The following DYNAP variants were observed in gnomAD, a reference collection of about 807,000 sequenced individuals.
DYNAP encodes the protein dynactin associated protein.
Under a neutral mutation model 8.5 loss-of-function variants are expected in DYNAP, and 7 were observed. The observed-to-expected ratio is 0.82, with a 90% confidence interval of 0.47 to 1.54. DYNAP has a LOEUF of 1.54. DYNAP is among the 40% of genes most tolerant of loss of function. The pLI is 0.01. For missense variants in DYNAP, 256 were observed against 224.3 expected, an observed-to-expected ratio of 1.14 and a Z score of -0.90; for synonymous variants, 77 against 77.9, an observed-to-expected ratio of 0.99 and a Z score of 0.06.
At chr18:54,579,071 T>G in the DYNAP span, among the ~76,000 whole-genome samples, 4 of 152,146 alleles carry the variant, frequency 2.6e-5, no homozygotes, top group African/African-American at 9.7e-5. Flanking sequence ...AGTGCTGGGA[T>G]TACAGGTGTG....
chr18:54,586,751 C>G (rs1336102177), upstream of DYNAP, among the ~76,000 whole-genome samples: 1 of 152,132 alleles, frequency 6.6e-6, no homozygotes, highest in African/African-American at 2.4e-5. Context: ...TGAAAGCATA[C>G]ATGTGTCATC....
chr18:54,594,368 A>T (rs553592241), intron 1 of DYNAP, among the ~76,000 whole-genome samples: 1 of 152,200 alleles, frequency 6.6e-6, no homozygotes, highest in African/African-American at 2.4e-5. Context: ...TTGTGTAAGA[A>T]TTTTTCACTA....
At position 54,597,856 on chromosome 18, in the gene DYNAP, T is replaced by C; in HGVS notation, c.266T>C (p.Phe89Ser). 1 of 1,613,256 alleles carries C rather than the reference T, an allele frequency of 6.2e-7. No homozygotes were observed. Among genetic ancestry groups the C allele is most frequent in the Non-Finnish European group, 8.5e-7 (1 of 1,179,424 alleles). ...AATGACTGGTCTATGTGGAAAGTCT[T>C]CCTGGCTTGTCTCTTAGCCTGTGTG... ...CRNDWSMWKV[F>S]LACLLACVIM... Residue 89 changes from phenylalanine (F) to serine (S), a missense_variant, in exon 3 of 3, where the codon TTC becomes TCC. Coordinates refer to ENST00000648945, the MANE Select transcript of DYNAP (RefSeq NM_173629.3).
chr18:54,588,393 C>T, upstream of DYNAP, among the ~76,000 whole-genome samples: 1 of 151,706 alleles, frequency 6.6e-6, no homozygotes, highest in East Asian at 1.9e-4. Context: ...TTTTTAGAGA[C>T]AGGGTTTCAT....
At chr18:54,593,462 T>A (rs1394310072) in intron 1 of DYNAP, among the ~76,000 whole-genome samples, 1 of 152,194 alleles carries the variant, frequency 6.6e-6, no homozygotes. Flanking sequence ...ATTTGGCAGT[T>A]ATTTACTCAG....
chr18:54,594,270 C>T (rs908927539), intron 1 of DYNAP, among the ~76,000 whole-genome samples: 12 of 152,060 alleles, frequency 7.9e-5, no homozygotes, highest in Non-Finnish European at 1.3e-4. Flanking sequence ...ACTGCAAATT[C>T]GACAAATGAT....
chr18:54,594,512 C>G (rs1911205499), intron 1 of DYNAP, among the ~76,000 whole-genome samples: 1 of 152,110 alleles, frequency 6.6e-6, no homozygotes, highest in South Asian at 2.1e-4. Flanking sequence ...CCTGTGCTAG[C>G]TGTTGTGTCA....
chr18:54,598,537 A>G lies in DYNAP; in HGVS notation c.*392A>G, dbSNP rs568862749. Reference sequence around the variant, plus strand: ...AAGCTCTGATTTTTCATCTTGCCCAAATTCCTTTCTAAGGGGTATGGGGAG... The same window carrying G: ...AAGCTCTGATTTTTCATCTTGCCCAGATTCCTTTCTAAGGGGTATGGGGAG... On this transcript the variant is annotated 3_prime_UTR_variant, in exon 3 of 3. Transcript: ENST00000648945. 16 of 178,470 alleles carry G rather than the reference A, an allele frequency of 9.0e-5. No individual in the cohort carries two copies. The South Asian group carries it at 2.1e-3, about 23-fold the overall frequency. 11.1% of individuals were successfully genotyped at this position (178,470 alleles called of 1,614,324 possible). A position where few individuals can be genotyped will look rare whatever the true frequency, so the allele number is the denominator to read the frequency against.
chr18:54,577,634 A>G, the DYNAP span, among the ~76,000 whole-genome samples: 3 of 151,142 alleles, frequency 2.0e-5, no homozygotes, highest in East Asian at 5.8e-4. Context: ...CAAACAAACC[A>G]GTATCTTATT....
chr18:54,583,825 C>A (rs1282626794), upstream of DYNAP, among the ~76,000 whole-genome samples: 1 of 152,078 alleles, frequency 6.6e-6, no homozygotes, highest in Non-Finnish European at 1.5e-5. Context: ...TGATAAAATA[C>A]CTTTTGACTG....
At chr18:54,590,259 C>G (rs1208309691), upstream of DYNAP, among the ~76,000 whole-genome samples, 1 of 152,114 alleles carries the variant, frequency 6.6e-6, no homozygotes, top group African/African-American at 2.4e-5. Context: ...GTGAAATTTA[C>G]AGTATTTGTC....
chr18:54,585,805 A>G (rs1910856488), upstream of DYNAP, among the ~76,000 whole-genome samples: 1 of 152,084 alleles, frequency 6.6e-6, no homozygotes, highest in Admixed American at 6.6e-5. Flanking sequence ...GAGTTCTATG[A>G]GCTGCTCCAG....
At chr18:54,582,287 A>G in the DYNAP span, among the ~76,000 whole-genome samples, 8 of 151,556 alleles carry the variant, frequency 5.3e-5, no homozygotes, top group Non-Finnish European at 1.0e-4. Context: ...CTCCATCTCA[A>G]AAAAAAAAGA....
At chr18:54,597,596 G>A (rs1407824624) in intron 2 of DYNAP, among the ~76,000 whole-genome samples, 2 of 152,066 alleles carry the variant, frequency 1.3e-5, no homozygotes, top group African/African-American at 2.4e-5. Context: ...AATAGAATAA[G>A]AGAAGATGAG....
At chr18:54,588,394 A>G (rs569800134), upstream of DYNAP, among the ~76,000 whole-genome samples, 5 of 151,866 alleles carry the variant, frequency 3.3e-5, no homozygotes, top group Non-Finnish European at 7.4e-5. Flanking sequence ...TTTTAGAGAC[A>G]GGGTTTCATT....
At chr18:54,577,050 T>G in the DYNAP span, among the ~76,000 whole-genome samples, 2 of 152,202 alleles carry the variant, frequency 1.3e-5, no homozygotes. Flanking sequence ...ACTTATTTCT[T>G]AACTCCTACA....
rs1232702369 is a variant in DYNAP at position 54,597,734 on chromosome 18, G to GT, written c.223-77dup. The GT allele has an allele frequency of 2.1e-6, 3 of 1,424,086 alleles. No homozygotes were observed. In the African/African-American group the frequency reaches 4.3e-5, roughly 21 times the overall value. The allele number at this position is 1,424,086 out of a possible 1,614,324, so 88.2% of individuals were successfully genotyped here. A position where few individuals can be genotyped will look rare whatever the true frequency, so the allele number is the denominator to read the frequency against. ...GACTCAAATGATGTTAACCCAATAA[G>GT]TTATAAGTAATATAAAAGAGATGAT... On this transcript the variant is annotated intron_variant, in intron 2 of 2. Coordinates refer to ENST00000648945, the MANE Select transcript of DYNAP (RefSeq NM_173629.3).
upstream of DYNAP, among the ~76,000 whole-genome samples, chr18:54,586,766 A>T (rs1910895340): frequency 6.6e-6 from 1 of 152,206 alleles, no homozygotes; most frequent in Non-Finnish European, 1.5e-5. Context: ...GTCATCAGAA[A>T]AGTGGGGATA....
intron 2 of DYNAP, among the ~76,000 whole-genome samples, chr18:54,595,610 C>T (rs929365809): frequency 6.6e-6 from 1 of 152,102 alleles, no homozygotes; most frequent in African/African-American, 2.4e-5. Context: ...GACCTTAACA[C>T]AGAAACCTTA....
Sources: allele counts gnomAD v4.1 joint callset (sites outside exome capture counted in the v4.1 genomes callset), GRCh38; gene constraint gnomAD v4.1.1; transcripts MANE v1.5; gene names NCBI Gene and HGNC (gene_info 2026-07-23, HGNC 2026-07-21).